The following OR7A5 variants were observed in gnomAD, a reference collection of about 807,000 sequenced individuals.
The protein encoded by OR7A5 is olfactory receptor family 7 subfamily A member 5.
For missense variants in OR7A5, 319 were observed against 377.9 expected (o/e 0.84, Z 1.29); for synonymous variants, 140 against 146.7 (o/e 0.95, Z 0.33).
chr19:14,827,797 A>C lies in OR7A5; in HGVS notation c.445T>G (p.Trp149Gly). The change falls in exon 2 of 2, where the codon TGG becomes GGG. Residue 149 changes from tryptophan (W) to glycine (G), a missense_variant. By Grantham distance (184) the Trp-to-Gly change is radical. Transcript: ENST00000322301. ...AAGGAATACAGAGCACTCATGGTCC[A>C]GGATGCTAGAACCAGCAGTCCACAG... ...HLCGLLVLAS[W>G]TMSALYSLLQ... 6.2e-7 allele frequency: 1 copy of C among 1,614,232 alleles called. No individual in the cohort carries two copies. Among genetic ancestry groups the C allele is most frequent in the South Asian group, 1.1e-5 (1 of 91,084 alleles).
chr19:14,832,615 C>T (rs182772500), intron 1 of OR7A5, among the ~76,000 whole-genome samples: 61 of 151,238 alleles, frequency 4.0e-4, no homozygotes, highest in African/African-American at 1.4e-3. Context: ...TTAATAGAGT[C>T]GGGGTTTCAC....
chr19:14,827,349 T>C lies in OR7A5; in HGVS notation c.893A>G (p.Lys298Arg), dbSNP rs374955481. 25 of 1,601,408 alleles carry C rather than the reference T, an allele frequency of 1.6e-5. No homozygotes were observed. The highest frequency in any genetic ancestry group is 2.1e-5 in the Non-Finnish European group (25 of 1,176,012). The change falls in exon 2 of 2, where the codon AAG (lysine) becomes AGG (arginine). Residue 298 changes from lysine (K) to arginine (R), a missense_variant. Physicochemically the swap from Lys to Arg is conservative, Grantham distance 26 (BLOSUM62 2). Transcript: ENST00000322301. ...CAACAAATGTATTCCCAGAGCCCTC[T>C]TTATGTCTTTATTCCTCAGACTATA... ...FIYSLRNKDI[K>R]RALGIHLLWG...
At chr19:14,833,297 G>A (rs1396531959) in intron 1 of OR7A5, among the ~76,000 whole-genome samples, 1 of 152,226 alleles carries the variant, frequency 6.6e-6, no homozygotes, top group African/African-American at 2.4e-5. Context: ...TGGGCAATAT[G>A]GCGAAACGCC....
At chr19:14,828,737 T>G (rs1248962892) in intron 1 of OR7A5, among the ~76,000 whole-genome samples, 1 of 116,310 alleles carries the variant, frequency 8.6e-6, no homozygotes, top group Non-Finnish European at 1.6e-5. Context: ...TCCAGCCTGG[T>G]GACAGAGCGA....
chr19:14,830,454 C>T (rs986764849), intron 1 of OR7A5, among the ~76,000 whole-genome samples: 10 of 152,116 alleles, frequency 6.6e-5, no homozygotes, highest in Non-Finnish European at 1.2e-4. Context: ...AAGGAACTGA[C>T]TCCAAGGAGA....
intron 1 of OR7A5, among the ~76,000 whole-genome samples, chr19:14,829,554 A>G (rs983432629): frequency 5.3e-5 from 8 of 152,202 alleles, no homozygotes; most frequent in Admixed American, 5.2e-4. Context: ...CAGTGTGGCC[A>G]GGGAATCAGT....
chr19:14,830,470 G>T (rs973697287), intron 1 of OR7A5, among the ~76,000 whole-genome samples: 3 of 152,128 alleles, frequency 2.0e-5, no homozygotes, highest in Non-Finnish European at 4.4e-5. Context: ...GGAGACAAAG[G>T]CTTGCTGGGG....
chr19:14,833,951 A>G (rs2044859291), intron 1 of OR7A5, among the ~76,000 whole-genome samples: 1 of 152,176 alleles, frequency 6.6e-6, no homozygotes, highest in Non-Finnish European at 1.5e-5. Flanking sequence ...CAATCTCCAG[A>G]CAGATAAAAT....
In OR7A5 at chr19:14,829,143, T is replaced by A. The variant is rs541810659; in HGVS notation, c.-13-889A>T. Reference sequence around the variant, plus strand: ...AGACAGGGCAAGATTCATGAAGTTATCTGTTGAAGTGGGTGCCTGGCAGGA... The same window carrying A: ...AGACAGGGCAAGATTCATGAAGTTAACTGTTGAAGTGGGTGCCTGGCAGGA... On this transcript the variant is annotated intron_variant, in intron 1 of 1. Coordinates refer to ENST00000322301, the MANE Select transcript of OR7A5 (RefSeq NM_017506.2). Among the ~76,000 whole-genome samples the A allele has an allele frequency of 4.6e-5, 7 of 152,332 alleles. No individual in the cohort carries two copies. The South Asian group carries it at 1.4e-3, about 32-fold the overall frequency.
At chr19:14,831,215 C>A (rs1475622010) in intron 1 of OR7A5, among the ~76,000 whole-genome samples, 1 of 152,106 alleles carries the variant, frequency 6.6e-6, no homozygotes, top group African/African-American at 2.4e-5. Flanking sequence ...GATCGCATAT[C>A]CTAATAGAAA....
rs150851599 is a variant in OR7A5, at chr19:14,827,878, G to A, written c.364C>T (p.Arg122Trp). The change falls in exon 2 of 2, where the codon CGG becomes TGG. Residue 122 changes from arginine to tryptophan, a missense_variant. Physicochemically the swap from Arg to Trp is moderately radical, Grantham distance 101. Coordinates refer to ENST00000322301, the MANE Select transcript of OR7A5 (RefSeq NM_017506.2). Reference sequence around the variant, plus strand: ...AGGGGGTGACAGATGGCCACAAACCGGTCATAGGCCATCACGGACAGGAGG... The same window carrying A: ...AGGGGGTGACAGATGGCCACAAACCAGTCATAGGCCATCACGGACAGGAGG... ...NFLLSVMAYD[R>W]FVAICHPLHY... 9.0e-5 allele frequency: 146 copies of A among 1,614,168 alleles called. No homozygotes were observed. The East Asian group carries it at 1.2e-3, about 13-fold the overall frequency.
chr19:14,827,486 A>G lies in OR7A5; in HGVS notation c.756T>C (p.Tyr252=), dbSNP rs142845935. The G allele has an allele frequency of 1.5e-5, 25 of 1,614,068 alleles. No individual in the cohort carries two copies. The highest frequency in any genetic ancestry group is 2.1e-5 in the Non-Finnish European group (25 of 1,180,034). The change falls in exon 2 of 2, where the codon TAT becomes TAC. Residue 252 remains tyrosine (Y), a synonymous_variant. Transcript: ENST00000322301. ...ASHLSVVSLF[Y]GAILGVYLSS... ...TAAGGTACACCCCTAGGATTGCACC[A>G]TAAAATAAGGAGACAACTGAGAGGT...
intron 1 of OR7A5, among the ~76,000 whole-genome samples, chr19:14,831,927 G>A (rs1265055642): frequency 3.3e-5 from 5 of 152,076 alleles, no homozygotes; most frequent in African/African-American, 9.7e-5. Flanking sequence ...ATTCATTGTT[G>A]AGATAGGGTC....
At chr19:14,830,760 C>T (rs1257781190) in intron 1 of OR7A5, among the ~76,000 whole-genome samples, 3 of 152,164 alleles carry the variant, frequency 2.0e-5, no homozygotes, top group African/African-American at 7.2e-5. Context: ...GTCAGGCTGG[C>T]TGAAGCAGGG....
intron 1 of OR7A5, among the ~76,000 whole-genome samples, chr19:14,830,645 C>T (rs1297195516): frequency 2.6e-5 from 4 of 152,156 alleles, no homozygotes; most frequent in East Asian, 3.9e-4. Flanking sequence ...TTAATTATGT[C>T]GGTTTTAATG....
Position 14,834,400 on chromosome 19 carries a change from A to G in OR7A5, c.-14+674T>C, listed in dbSNP as rs541126758. 1.2e-4 allele frequency among the ~76,000 whole-genome samples: 19 copies of G among 152,326 alleles called. 1 individual carries two copies. In the South Asian group the frequency reaches 3.9e-3, roughly 32 times the overall value. ...CTGGGCTAGATCACTCTCTTTGATAAAGTCTATCCTATACACTGTGAGTTG... is the reference window on the plus strand; with the variant it reads ...CTGGGCTAGATCACTCTCTTTGATAGAGTCTATCCTATACACTGTGAGTTG... On this transcript the variant is annotated intron_variant, in intron 1 of 1. Coordinates refer to ENST00000322301, the MANE Select transcript of OR7A5 (RefSeq NM_017506.2).
intron 1 of OR7A5, 31 bp from the exon 2 acceptor site, chr19:14,828,285 C>A (rs201380372): frequency 1.9e-6 from 3 of 1,563,402 alleles, no homozygotes; most frequent in Non-Finnish European, 2.6e-6. Context: ...AAGAGGGAAA[C>A]GAGACAGGCA....
At position 14,827,265 on chromosome 19, in the gene OR7A5, A is replaced by G. The variant is rs775733800; in HGVS notation, c.*17T>C. ...GAAGAATGACAGTTACTACCTCTGAAGCTTAGAGCCCTGCAATCATGGGCA... is the reference window on the plus strand; with the variant it reads ...GAAGAATGACAGTTACTACCTCTGAGGCTTAGAGCCCTGCAATCATGGGCA... On this transcript the variant is annotated 3_prime_UTR_variant, in exon 2 of 2. Coordinates refer to ENST00000322301, the MANE Select transcript of OR7A5 (RefSeq NM_017506.2). 25 of 1,513,438 alleles carry G rather than the reference A, an allele frequency of 1.7e-5. 1 individual carries two copies. Among genetic ancestry groups the G allele is most frequent in the Middle Eastern group, 3.6e-4 (2 of 5,598 alleles). The allele number at this position is 1,513,438 out of a possible 1,614,324, so 93.8% of individuals were successfully genotyped here. A position where few individuals can be genotyped will look rare whatever the true frequency, so the allele number is the denominator to read the frequency against.
intron 1 of OR7A5, among the ~76,000 whole-genome samples, chr19:14,831,777 A>C (rs1172294930): frequency 2.0e-5 from 3 of 151,534 alleles, no homozygotes; most frequent in Non-Finnish European, 4.4e-5. Context: ...GTGGACTTTG[A>C]ATTTTGATCA....
Sources: gnomAD v4.1 joint callset for allele counts (sites outside exome capture counted in the v4.1 genomes callset) on GRCh38, gnomAD v4.1.1 for gene constraint, MANE v1.5 for transcripts, NCBI Gene and HGNC (gene_info 2026-07-23, HGNC 2026-07-21) for gene names.